The following GPC6 variants were observed in gnomAD, a reference collection of about 807,000 sequenced individuals.
GPC6 encodes glypican 6, also known as glypican-6.
GPC6 carries 14 observed loss-of-function variants against 55.2 expected under a neutral mutation model. The observed-to-expected ratio is 0.25, with a 90% CI of 0.17 to 0.40. GPC6 has a LOEUF of 0.40. Ranked by LOEUF, GPC6 falls within the 10% of genes least tolerant of loss-of-function variation. The pLI is 1.00. For synonymous variants in GPC6, 278 were observed against 259.6 expected (o/e 1.07, Z -0.68); for missense variants, 641 against 708.5 (o/e 0.90, Z 1.08).
chr13:93,321,328 C>A (rs1879429368), intron 1 of GPC6, among the ~76,000 whole-genome samples: 1 of 152,090 alleles, frequency 6.6e-6, no homozygotes. Flanking sequence ...TACTTGCTTT[C>A]TTCCCTTCCC....
intron 2 of GPC6, among the ~76,000 whole-genome samples, chr13:93,563,439 A>G (rs1048122486): frequency 2.0e-5 from 3 of 152,080 alleles, no homozygotes; most frequent in African/African-American, 7.2e-5. Context: ...ATATGCAAAT[A>G]TGCACACAGA....
At chr13:94,313,971 T>G (rs956335638) in intron 6 of GPC6, among the ~76,000 whole-genome samples, 4 of 152,246 alleles carry the variant, frequency 2.6e-5, no homozygotes, top group African/African-American at 7.2e-5. Flanking sequence ...CCCAAATTGA[T>G]GCATTCGGTA....
intron 4 of GPC6, among the ~76,000 whole-genome samples, chr13:94,170,982 C>T (rs1305845078): frequency 1.3e-5 from 2 of 152,156 alleles, no homozygotes; most frequent in Non-Finnish European, 1.5e-5. Flanking sequence ...TTTCTTAAGA[C>T]GTTGGCTCTT....
intron 1 of GPC6, among the ~76,000 whole-genome samples, chr13:93,456,908 T>A (rs1878475444): frequency 6.6e-6 from 1 of 152,136 alleles, no homozygotes; most frequent in African/African-American, 2.4e-5. Context: ...AATCCCCACA[T>A]GTCAAGGGTG....
intron 6 of GPC6, among the ~76,000 whole-genome samples, chr13:94,316,172 A>T (rs893918696): frequency 9.7e-5 from 14 of 145,006 alleles, no homozygotes; most frequent in Non-Finnish European, 1.6e-4. Context: ...GAACTAACTT[A>T]AAAAAAAAAA....
At chr13:93,714,198 A>G (rs1034315575) in intron 2 of GPC6, among the ~76,000 whole-genome samples, 17 of 151,878 alleles carry the variant, frequency 1.1e-4, no homozygotes, top group Admixed American at 3.9e-4. Flanking sequence ...TTCAACAAAA[A>G]TCTAACATCC....
chr13:94,368,918 G>C (rs1292840917), intron 6 of GPC6, among the ~76,000 whole-genome samples: 1 of 152,168 alleles, frequency 6.6e-6, no homozygotes, highest in East Asian at 1.9e-4. Context: ...TAAATTCTTA[G>C]GTTGCAAAAA....
chr13:93,895,234 G>GTGTATA lies in GPC6; in HGVS notation c.711+64690_711+64691insGTATAT, dbSNP rs1196315147. Among the ~76,000 whole-genome samples, 361 of 108,142 alleles carry GTGTATA rather than the reference G, an allele frequency of 3.3e-3. 6 individuals carry two copies. Among genetic ancestry groups the GTGTATA allele is most frequent in the Non-Finnish European group, 4.8e-3 (249 of 52,112 alleles). The allele number at this position is 108,142 out of a possible 152,430, so 70.9% of individuals were successfully genotyped here. On this transcript the variant is annotated intron_variant, in intron 3 of 8. Coordinates refer to ENST00000377047, the MANE Select transcript of GPC6 (RefSeq NM_005708.5). ...TGTGTGTGTATGTATGTGTGTGTGT[G>GTGTATA]TATATATATATATATATATATATAT... is the stretch of plus-strand genomic sequence containing the variant.
At chr13:94,215,897 A>G (rs1890212298) in intron 4 of GPC6, among the ~76,000 whole-genome samples, 1 of 152,200 alleles carries the variant, frequency 6.6e-6, no homozygotes, top group Non-Finnish European at 1.5e-5. Context: ...ATAGTAAGAT[A>G]TAAAATAACC....
At chr13:93,807,700 A>C (rs1376657783) in intron 2 of GPC6, among the ~76,000 whole-genome samples, 1 of 152,340 alleles carries the variant, frequency 6.6e-6, no homozygotes, top group East Asian at 1.9e-4. Flanking sequence ...TCAATGCTTG[A>C]TAGAAATACT....
chr13:93,822,961 T>C (rs920839703), intron 2 of GPC6, among the ~76,000 whole-genome samples: 5 of 151,682 alleles, frequency 3.3e-5, no homozygotes, highest in Non-Finnish European at 7.4e-5. Flanking sequence ...CCTCCTGGGT[T>C]CAAGCAATTC....
intron 1 of GPC6, among the ~76,000 whole-genome samples, chr13:93,368,281 TTCCCTCCC>T (rs1208185732): frequency 7.9e-6 from 1 of 126,968 alleles, no homozygotes; most frequent in Non-Finnish European, 1.7e-5. Context: ...CCCTCCCTCC[TTCCCTCCC>T]TCCCTCCCTC....
chr13:93,575,739 C>G (rs73541536), intron 2 of GPC6, among the ~76,000 whole-genome samples: 7,231 of 152,126 alleles, frequency 0.048, 582 homozygotes, highest in African/African-American at 0.16. Flanking sequence ...ATCATCCATG[C>G]CTTCTGAAGA....
At chr13:93,519,370 C>T (rs1041789003) in intron 1 of GPC6, among the ~76,000 whole-genome samples, 6 of 151,910 alleles carry the variant, frequency 3.9e-5, no homozygotes, top group South Asian at 2.1e-4. Context: ...CACATTCTTC[C>T]GTAAAAGTGG....
At chr13:93,219,913 TC>T in the GPC6 span, among the ~76,000 whole-genome samples, 2 of 152,178 alleles carry the variant, frequency 1.3e-5, no homozygotes, top group Non-Finnish European at 2.9e-5. Context: ...TTAAAAAGCT[TC>T]ATCAAAAAAT....
intron 2 of GPC6, among the ~76,000 whole-genome samples, chr13:93,613,225 C>T (rs1177328124): frequency 6.6e-6 from 1 of 152,128 alleles, no homozygotes; most frequent in African/African-American, 2.4e-5. Context: ...GGCTCAAGCA[C>T]TGCAAACATT....
chr13:94,335,291 A>C (rs1352201450), intron 6 of GPC6, among the ~76,000 whole-genome samples: 1 of 152,192 alleles, frequency 6.6e-6, no homozygotes, highest in Non-Finnish European at 1.5e-5. Context: ...GGTGGATAGG[A>C]TATGCTGAAT....
chr13:93,849,782 T>C (rs551049653), intron 3 of GPC6, among the ~76,000 whole-genome samples: 1 of 152,198 alleles, frequency 6.6e-6, no homozygotes, highest in East Asian at 1.9e-4. Context: ...AGTTTCATAG[T>C]CTTCACACGT....
At chr13:93,295,290 C>CAAAAAAAAAAAAAAAAAAAAA (rs67379652) in intron 1 of GPC6, among the ~76,000 whole-genome samples, 4 of 66,686 alleles carry the variant, frequency 6.0e-5, no homozygotes, top group African/African-American at 2.3e-4. Context: ...GACCCTGTCT[C>CAAAAAAAAAAAAAAAAAAAAA]AAAAAAAAAA....
Sources: allele counts gnomAD v4.1 joint callset (sites outside exome capture counted in the v4.1 genomes callset), GRCh38; gene constraint gnomAD v4.1.1; transcripts MANE v1.5; gene names NCBI Gene and HGNC (gene_info 2026-07-23, HGNC 2026-07-21).